The following NLRP14 variants were observed in gnomAD, a reference collection of about 807,000 sequenced individuals.
The protein encoded by NLRP14 is NACHT, LRR and PYD domains-containing protein 14.
A neutral mutation model predicts 94.7 loss-of-function variants in NLRP14; 105 were observed. The ratio of observed to expected loss-of-function variants is 1.11; its 90% CI spans 0.95 to 1.30. The LOEUF (loss-of-function observed/expected upper bound fraction) is 1.30. NLRP14 is among the 50% of genes most tolerant of loss of function. The pLI, the probability that NLRP14 is intolerant of heterozygous loss-of-function variation, is 0.00. For synonymous variants in NLRP14, 508 were observed against 459.9 expected, an observed-to-expected ratio of 1.10 and a Z score of -1.34; for missense variants, 1,362 against 1,254.1, an observed-to-expected ratio of 1.09 and a Z score of -1.30.
chr11:7,070,775 C>T (rs765629209), intron 11 of NLRP14, among the ~76,000 whole-genome samples: 35 of 152,260 alleles, frequency 2.3e-4, no homozygotes, highest in Middle Eastern at 3.4e-3. Flanking sequence ...ATGATAAAAT[C>T]TACCCATAAG....
chr11:7,053,732 T>C (rs1852476764), intron 6 of NLRP14, among the ~76,000 whole-genome samples: 1 of 145,002 alleles, frequency 6.9e-6, no homozygotes, highest in Non-Finnish European at 1.6e-5. Context: ...AAGCATGCAA[T>C]GCATAATAAT....
chr11:7,036,201 G>A (rs1421032443), intron 1 of NLRP14, among the ~76,000 whole-genome samples: 1 of 152,128 alleles, frequency 6.6e-6, no homozygotes, highest in African/African-American at 2.4e-5. Context: ...TAGACCATGG[G>A]TTCCCATTTT....
chr11:7,066,590 C>A (rs1025672459), intron 10 of NLRP14, among the ~76,000 whole-genome samples: 1 of 150,458 alleles, frequency 6.6e-6, no homozygotes, highest in Non-Finnish European at 1.5e-5. Context: ...AATTCAGATT[C>A]TGAATATTTG....
At chr11:7,036,291 G>C (rs575668973) in intron 1 of NLRP14, among the ~76,000 whole-genome samples, 10 of 152,112 alleles carry the variant, frequency 6.6e-5, no homozygotes, top group Admixed American at 6.6e-4. Context: ...TTCTAAAAAG[G>C]TAAAAAGCCA....
chr11:7,068,203 A>G (rs913392066), intron 10 of NLRP14, among the ~76,000 whole-genome samples: 1 of 152,062 alleles, frequency 6.6e-6, no homozygotes, highest in East Asian at 1.9e-4. Flanking sequence ...TCTGTTGTAC[A>G]TCTACATTCT....
At chr11:7,051,771 T>A (rs1232745884) in intron 6 of NLRP14, among the ~76,000 whole-genome samples, 2 of 152,080 alleles carry the variant, frequency 1.3e-5, no homozygotes, top group African/African-American at 4.8e-5. Context: ...TACAGGCCCA[T>A]GCCACCATGC....
At chr11:7,081,748 A>G in the NLRP14 span, among the ~76,000 whole-genome samples, 2 of 152,184 alleles carry the variant, frequency 1.3e-5, no homozygotes, top group Non-Finnish European at 2.9e-5. Context: ...CTCCCAGCAC[A>G]TCCATGTGTT....
intron 3 of NLRP14, 131 bp from the exon 4 acceptor site, chr11:7,042,257 G>C (rs1266245592): frequency 3.0e-6 from 2 of 676,832 alleles, no homozygotes; most frequent in Non-Finnish European, 5.1e-6. Context: ...ATCAAAACCA[G>C]CTCTGATTTC....
the NLRP14 span, chr11:7,090,535 G>T: frequency 3.4e-6 from 2 of 586,686 alleles, no homozygotes; most frequent in Non-Finnish European, 3.1e-6. Flanking sequence ...AAAAGTATAT[G>T]AACCTGAGTA....
chr11:7,022,838 A>G (rs572489882), intron 1 of NLRP14, among the ~76,000 whole-genome samples: 1 of 152,270 alleles, frequency 6.6e-6, no homozygotes, highest in South Asian at 2.1e-4. Flanking sequence ...ACCTGACTGG[A>G]TTGTTATTAT....
chr11:7,052,686 T>C (rs1357503170), intron 6 of NLRP14, among the ~76,000 whole-genome samples: 1 of 152,046 alleles, frequency 6.6e-6, no homozygotes, highest in Non-Finnish European at 1.5e-5. Context: ...GAATGGCAAA[T>C]ATCCACAGCT....
At chr11:7,041,598 C>G (rs1207789922) in intron 3 of NLRP14, among the ~76,000 whole-genome samples, 1 of 152,132 alleles carries the variant, frequency 6.6e-6, no homozygotes, top group Non-Finnish European at 1.5e-5. Flanking sequence ...ATATTTGACA[C>G]TTATGTGCAC....
In NLRP14 at chr11:7,042,370, T is replaced by A; in HGVS notation, c.362-18T>A. Reference sequence around the variant, plus strand: ...GTGTCTTTGTTTTTGTTTTTTTACCTTTGCCATTCTGACTTAGGTGATGGA... The same window carrying A: ...GTGTCTTTGTTTTTGTTTTTTTACCATTGCCATTCTGACTTAGGTGATGGA... On this transcript the variant is annotated intron_variant, in intron 3 of 11. Transcript: ENST00000299481. 6.2e-7 allele frequency: 1 copy of A among 1,610,358 alleles called. No homozygotes were observed. The highest frequency in any genetic ancestry group is 1.7e-5 in the Admixed American group (1 of 60,004).
intron 5 of NLRP14, among the ~76,000 whole-genome samples, chr11:7,048,219 G>T (rs1852388802): frequency 6.6e-6 from 1 of 152,050 alleles, no homozygotes; most frequent in Non-Finnish European, 1.5e-5. Flanking sequence ...ACCCCTGGAG[G>T]TTTCCCTAAC....
downstream of NLRP14, among the ~76,000 whole-genome samples, chr11:7,073,829 A>G (rs1248336496): frequency 6.6e-6 from 1 of 152,194 alleles, no homozygotes; most frequent in East Asian, 1.9e-4. Flanking sequence ...AAGCACATGG[A>G]TGTGTTTAGC....
chr11:7,066,215 T>TGTATA (rs1852705401), intron 10 of NLRP14, among the ~76,000 whole-genome samples: 2 of 152,322 alleles, frequency 1.3e-5, no homozygotes, highest in Non-Finnish European at 1.5e-5. Context: ...ATCCTTTGGG[T>TGTATA]GTATACCCAG....
chr11:7,039,819 G>T, intron 3 of NLRP14, 34 bp downstream of exon 3: 1 of 1,538,768 alleles, frequency 6.5e-7, no homozygotes, highest in South Asian at 1.1e-5. Context: ...GATTTGGGAG[G>T]CATTCAAAGT....
chr11:7,070,846 A>G (rs1852783532), intron 11 of NLRP14, among the ~76,000 whole-genome samples: 1 of 152,232 alleles, frequency 6.6e-6, no homozygotes, highest in Non-Finnish European at 1.5e-5. Flanking sequence ...TTGCATGATA[A>G]TAAACAATAA....
intron 9 of NLRP14, among the ~76,000 whole-genome samples, chr11:7,061,509 T>G (rs1047590798): frequency 6.6e-6 from 1 of 152,038 alleles, no homozygotes; most frequent in Non-Finnish European, 1.5e-5. Context: ...ACCAATATTT[T>G]CAACCAATAT....
Sources: allele counts gnomAD v4.1 joint callset (sites outside exome capture counted in the v4.1 genomes callset), GRCh38; gene constraint gnomAD v4.1.1; transcripts MANE v1.5; gene names NCBI Gene and HGNC (gene_info 2026-07-23, HGNC 2026-07-21).